The following UXS1 variants were observed in gnomAD, a reference collection of about 807,000 sequenced individuals.
The protein encoded by UXS1 is UDP-glucuronic acid decarboxylase 1.
In UXS1, 33 loss-of-function variants were observed where a neutral mutation model predicts 62.6. The observed-to-expected ratio is 0.53, with a 90% CI of 0.40 to 0.70. UXS1 has a LOEUF of 0.70. UXS1 is among the 30% of genes least tolerant of loss of function. The pLI, the probability that UXS1 is intolerant of heterozygous loss-of-function variation, is 0.00. For missense variants in UXS1, 434 were observed against 556.3 expected (o/e 0.78, Z 2.21); for synonymous variants, 213 against 206.8 (o/e 1.03, Z -0.26).
intron 10 of UXS1, among the ~76,000 whole-genome samples, chr2:106,108,349 G>C (rs1201375256): frequency 6.6e-6 from 1 of 152,220 alleles, no homozygotes; most frequent in Non-Finnish European, 1.5e-5. Context: ...CAAAATATCT[G>C]TCTTCCCTGG....
chr2:106,183,610 G>A (rs540054864), intron 1 of UXS1: 93 of 152,302 alleles, frequency 6.1e-4, no homozygotes, highest in African/African-American at 2.1e-3. Flanking sequence ...CCCCTCAGAG[G>A]AGAAGTTCCC....
At chr2:106,169,684 T>C (rs1355127941) in intron 1 of UXS1, among the ~76,000 whole-genome samples, 1 of 152,114 alleles carries the variant, frequency 6.6e-6, no homozygotes, top group Admixed American at 6.5e-5. Context: ...TGAGACCCTG[T>C]CTCAGAAAAA....
chr2:106,168,532 T>C (rs1227370052), intron 1 of UXS1, among the ~76,000 whole-genome samples: 1 of 152,222 alleles, frequency 6.6e-6, no homozygotes, highest in East Asian at 1.9e-4. Context: ...TTCTTTCTTG[T>C]GGAAGATCCA....
intron 13 of UXS1, among the ~76,000 whole-genome samples, chr2:106,097,893 G>A (rs1254233562): frequency 1.3e-5 from 2 of 152,340 alleles, no homozygotes; most frequent in East Asian, 3.9e-4. Context: ...GAGGAAGACC[G>A]CTGCTTCTAC....
intron 9 of UXS1, among the ~76,000 whole-genome samples, chr2:106,114,477 G>T (rs6752351): frequency 0.15 from 22,668 of 152,174 alleles, 2,045 homozygotes; most frequent in East Asian, 0.45. Flanking sequence ...ATAAGATGAG[G>T]AAAGAAAGTG....
intron 6 of UXS1, among the ~76,000 whole-genome samples, chr2:106,142,699 GA>G (rs1681216594): frequency 6.6e-6 from 1 of 152,204 alleles, no homozygotes; most frequent in Non-Finnish European, 1.5e-5. Flanking sequence ...CAGCAAGGGG[GA>G]AATTATCAAG....
At chr2:106,124,874 A>G (rs1679799869) in intron 8 of UXS1, among the ~76,000 whole-genome samples, 1 of 152,226 alleles carries the variant, frequency 6.6e-6, no homozygotes, top group Non-Finnish European at 1.5e-5. Flanking sequence ...ATTAAAAAAA[A>G]GTCTCTTCTG....
At chr2:106,189,714 G>A (rs750594792) in intron 1 of UXS1, among the ~76,000 whole-genome samples, 13 of 152,222 alleles carry the variant, frequency 8.5e-5, no homozygotes, top group Non-Finnish European at 1.5e-4. Context: ...GAAAGAGAAG[G>A]ACTGGCTTGA....
intron 11 of UXS1, 63 bp from the exon 12 acceptor site, chr2:106,101,181 C>A: frequency 6.5e-7 from 1 of 1,527,324 alleles, no homozygotes; most frequent in South Asian, 1.2e-5. Flanking sequence ...CCACGCACCA[C>A]ATAGAAGCCC....
intron 1 of UXS1, among the ~76,000 whole-genome samples, chr2:106,191,202 G>A (rs1028030815): frequency 6.6e-6 from 1 of 152,188 alleles, no homozygotes; most frequent in African/African-American, 2.4e-5. Flanking sequence ...GTAAGGAGGA[G>A]AAGGAGAAAG....
At chr2:106,106,886 G>A (rs1054527720) in intron 10 of UXS1, among the ~76,000 whole-genome samples, 1 of 152,206 alleles carries the variant, frequency 6.6e-6, no homozygotes, top group African/African-American at 2.4e-5. Context: ...TCAAAGCGCT[G>A]GAGTGACCTG....
intron 14 of UXS1, 68 bp downstream of exon 14, chr2:106,096,650 T>C (rs945288172): frequency 7.0e-7 from 1 of 1,437,030 alleles, no homozygotes; most frequent in Non-Finnish European, 9.4e-7. Context: ...GGTCAGTGCC[T>C]ACAGGACAGC....
intron 14 of UXS1, among the ~76,000 whole-genome samples, chr2:106,094,594 C>T (rs1676928612): frequency 6.6e-6 from 1 of 152,276 alleles, no homozygotes; most frequent in African/African-American, 2.4e-5. Flanking sequence ...GATCAACACG[C>T]CTGATTCTCC....
At chr2:106,192,788 C>T (rs1685013715) in intron 1 of UXS1, among the ~76,000 whole-genome samples, 1 of 152,144 alleles carries the variant, frequency 6.6e-6, no homozygotes, top group South Asian at 2.1e-4. Context: ...AACTTCCTCA[C>T]CTCTAAAATA....
intron 1 of UXS1, among the ~76,000 whole-genome samples, chr2:106,166,995 C>T (rs990975422): frequency 6.6e-5 from 10 of 152,134 alleles, no homozygotes; most frequent in Admixed American, 5.2e-4. Flanking sequence ...GCCTGCAGTG[C>T]GGCTTAACTC....
At position 106,125,636 on chromosome 2, in the gene UXS1, T is replaced by C. The variant is rs984536913; in HGVS notation, c.621A>G (p.Thr207=). The C allele has an allele frequency of 3.8e-6, 6 of 1,578,490 alleles. No individual in the cohort carries two copies. Among genetic ancestry groups the C allele is most frequent in the Middle Eastern group, 1.7e-4 (1 of 6,042 alleles). Residue 207 remains threonine (T), a synonymous_variant, in exon 8 of 15, where the codon ACA becomes ACG. Transcript: ENST00000283148. ...RVGARLLLAS[T]SEVYGDPEVH... ...CCTACTCACCTCCATACACCTCCGA[T>C]GTGGAGGCCAGGAGCAGACGGGCAC...
At chr2:106,150,819 C>T (rs62143976) in intron 5 of UXS1, among the ~76,000 whole-genome samples, 7,434 of 152,306 alleles carry the variant, frequency 0.049, 261 homozygotes, top group South Asian at 0.081. Context: ...CACAGAACTC[C>T]AACTCGCGAG....
At chr2:106,124,470 T>C (rs1484784888) in intron 8 of UXS1, among the ~76,000 whole-genome samples, 2 of 152,222 alleles carry the variant, frequency 1.3e-5, no homozygotes, top group African/African-American at 4.8e-5. Flanking sequence ...ATCTCCCCTT[T>C]CCAGCATTCT....
intron 5 of UXS1, among the ~76,000 whole-genome samples, chr2:106,147,362 A>T (rs1045413712): frequency 2.0e-5 from 3 of 152,242 alleles, no homozygotes; most frequent in African/African-American, 7.2e-5. Context: ...ACAGGAGCTA[A>T]GTCACATCCC....
Sources: allele counts gnomAD v4.1 joint callset (sites outside exome capture counted in the v4.1 genomes callset), GRCh38; gene constraint gnomAD v4.1.1; transcripts MANE v1.5; gene names NCBI Gene and HGNC (gene_info 2026-07-23, HGNC 2026-07-21).